The following LPP variants were observed in gnomAD, a reference collection of about 807,000 sequenced individuals.
LPP encodes LIM domain containing preferred translocation partner in lipoma, also known as lipoma-preferred partner.
In LPP, 38 loss-of-function variants were observed where a neutral mutation model predicts 60.4. The observed-to-expected ratio is 0.63, with a 90% CI of 0.49 to 0.83. The LOEUF (loss-of-function observed/expected upper bound fraction) is 0.83, where lower values mean the gene tolerates loss of function less well. Ranked by LOEUF, LPP falls within the 40% of genes least tolerant of loss-of-function variation. The probability of loss-of-function intolerance (pLI) is 0.00; values close to 1 mark genes in which losing one functional copy is unlikely to be tolerated. For missense variants in LPP, 902 were observed against 783.6 expected (o/e 1.15, Z -1.80); for synonymous variants, 328 against 290.8 (o/e 1.13, Z -1.30).
At chr3:188,794,890 C>T (rs1415023923) in intron 9 of LPP, among the ~76,000 whole-genome samples, 5 of 152,188 alleles carry the variant, frequency 3.3e-5, no homozygotes, top group Non-Finnish European at 5.9e-5. Context: ...GTAATCCCAG[C>T]ACTTTGGGAT....
rs529354852 is a variant in LPP, at chr3:188,772,466, G to A, written c.1410+12184G>A. On this transcript the variant is annotated intron_variant, in intron 9 of 11. Transcript: ENST00000617246. ...AGGAACCCCTTGAAGACTGTGCGGGGTGCGGGGAGGTCACCCTTTTTTCTT... is the reference window on the plus strand; with the variant it reads ...AGGAACCCCTTGAAGACTGTGCGGGATGCGGGGAGGTCACCCTTTTTTCTT... 8.5e-5 allele frequency among the ~76,000 whole-genome samples: 13 copies of A among 152,250 alleles called. No individual in the cohort carries two copies. In the East Asian group the frequency reaches 2.5e-3, roughly 29 times the overall value.
Position 188,492,684 on chromosome 3 carries a change from G to A in LPP, c.306+7980G>A, listed in dbSNP as rs139224982. On this transcript the variant is annotated intron_variant, in intron 5 of 11. Transcript: ENST00000617246. The stretch of plus-strand genomic sequence containing the variant: ...GCCCTCCAGCCTGGGTGACAAAAGC[G>A]AAACTCCGTCTCAAAGAAACAAACA... 8.3e-4 allele frequency among the ~76,000 whole-genome samples: 126 copies of A among 152,166 alleles called. No individual in the cohort carries two copies. In the East Asian group the frequency reaches 0.013, roughly 15 times the overall value.
Position 188,657,646 on chromosome 3 carries a change from C to G in LPP, c.1113+47802C>G, listed in dbSNP as rs545287292. Among the ~76,000 whole-genome samples the G allele has an allele frequency of 7.2e-5, 11 of 151,864 alleles. No individual in the cohort carries two copies. The South Asian group carries it at 1.5e-3, about 20-fold the overall frequency. On this transcript the variant is annotated intron_variant, in intron 7 of 11. Coordinates refer to ENST00000617246, the MANE Select transcript of LPP (RefSeq NM_001375462.1). ...TTCTTAGCCTTTCTAGTCTTTTTAC[C>G]CCATATTTCTTCATGATATCCATAG... is the stretch of plus-strand genomic sequence containing the variant.
intron 2 of LPP, among the ~76,000 whole-genome samples, chr3:188,310,741 A>G (rs184055827): frequency 9.0e-4 from 137 of 152,282 alleles, no homozygotes; most frequent in South Asian, 4.1e-4. Flanking sequence ...TAGGGTGTCA[A>G]TGGCAATAGG....
intron 4 of LPP, among the ~76,000 whole-genome samples, chr3:188,466,788 G>A (rs1353333661): frequency 1.1e-5 from 1 of 92,014 alleles, no homozygotes; most frequent in East Asian, 3.0e-4. Flanking sequence ...GAAAAAAGTG[G>A]TTTCTGTCAT....
intron 2 of LPP, among the ~76,000 whole-genome samples, chr3:188,230,108 A>G (rs1719316935): frequency 6.6e-6 from 1 of 150,748 alleles, no homozygotes; most frequent in Non-Finnish European, 1.5e-5. Context: ...TTTTTTTGAG[A>G]TGGAGTCTCA....
At chr3:188,306,934 G>T (rs901273130) in intron 2 of LPP, among the ~76,000 whole-genome samples, 3 of 152,172 alleles carry the variant, frequency 2.0e-5, no homozygotes, top group South Asian at 4.1e-4. Flanking sequence ...AACAAAGCAC[G>T]TTGTAAGTCC....
chr3:188,659,301 C>T (rs1436946291), intron 7 of LPP, among the ~76,000 whole-genome samples: 1 of 152,312 alleles, frequency 6.6e-6, no homozygotes, highest in East Asian at 1.9e-4. Flanking sequence ...GACCTAGACT[C>T]AGTTGCTTTC....
intron 5 of LPP, among the ~76,000 whole-genome samples, chr3:188,502,189 A>G (rs1440520527): frequency 6.6e-6 from 1 of 152,160 alleles, no homozygotes. Flanking sequence ...TGGCTGTTCT[A>G]TCCACTGTTA....
intron 7 of LPP, among the ~76,000 whole-genome samples, chr3:188,667,335 G>A (rs868791788): frequency 4.0e-5 from 6 of 151,862 alleles, no homozygotes; most frequent in Non-Finnish European, 7.4e-5. Flanking sequence ...AAAATTAGCC[G>A]GGCGTGGTGG....
intron 9 of LPP, among the ~76,000 whole-genome samples, chr3:188,858,704 A>T (rs534475854): frequency 3.5e-4 from 53 of 152,304 alleles, no homozygotes; most frequent in Middle Eastern, 6.8e-3. Context: ...CAGTTTATGT[A>T]GTCCAAATAC....
At chr3:188,756,899 A>T (rs1391606905) in intron 8 of LPP, among the ~76,000 whole-genome samples, 4 of 152,222 alleles carry the variant, frequency 2.6e-5, no homozygotes, top group African/African-American at 9.6e-5. Context: ...TTAGGAATAC[A>T]ATACAGTCCA....
chr3:188,871,502 A>G (rs1008816245), intron 10 of LPP, among the ~76,000 whole-genome samples: 1 of 152,190 alleles, frequency 6.6e-6, no homozygotes. Flanking sequence ...AATTACCTAC[A>G]TATAGAATAT....
chr3:188,866,829 C>T (rs1352716725), intron 10 of LPP, among the ~76,000 whole-genome samples: 1 of 152,134 alleles, frequency 6.6e-6, no homozygotes, highest in Non-Finnish European at 1.5e-5. Flanking sequence ...TCTGTGCATC[C>T]CTGCCACTCT....
chr3:188,361,551 C>T (rs1769390314), intron 3 of LPP, among the ~76,000 whole-genome samples: 1 of 120,102 alleles, frequency 8.3e-6, no homozygotes, highest in Admixed American at 8.9e-5. Flanking sequence ...CCTCCCCTCT[C>T]CTCTCCTCTC....
intron 7 of LPP, among the ~76,000 whole-genome samples, chr3:188,630,652 T>G (rs988658062): frequency 3.9e-5 from 6 of 152,132 alleles, no homozygotes; most frequent in Non-Finnish European, 7.4e-5. Context: ...TTCTATTAAG[T>G]TGGTGCAAAA....
At chr3:188,453,343 ACCC>A (rs1797018835) in intron 4 of LPP, among the ~76,000 whole-genome samples, 1 of 151,824 alleles carries the variant, frequency 6.6e-6, no homozygotes, top group Non-Finnish European at 1.5e-5. Context: ...CACTCCGATC[ACCC>A]AGGCTGGAGT....
chr3:188,581,325 C>T (rs1849912), intron 6 of LPP, among the ~76,000 whole-genome samples: 22,031 of 152,008 alleles, frequency 0.14, 1,971 homozygotes, highest in Non-Finnish European at 0.2. Flanking sequence ...CATTTTACCT[C>T]GGGCACACTT....
intron 8 of LPP, among the ~76,000 whole-genome samples, chr3:188,755,525 C>G (rs1282631625): frequency 1.3e-5 from 2 of 152,068 alleles, no homozygotes; most frequent in Admixed American, 6.5e-5. Flanking sequence ...ACAACCCAGC[C>G]TGGTGCAGTG....
Sources: allele counts gnomAD v4.1 joint callset (sites outside exome capture counted in the v4.1 genomes callset), GRCh38; gene constraint gnomAD v4.1.1; transcripts MANE v1.5; gene names NCBI Gene and HGNC (gene_info 2026-07-23, HGNC 2026-07-21).